PLBD1: variants seen among roughly 807,000 people sequenced by gnomAD.
PLBD1 encodes phospholipase B domain containing 1.
In PLBD1, 60 loss-of-function variants were observed where a neutral mutation model predicts 63.0. The observed-to-expected ratio is 0.95, with a 90% CI of 0.77 to 1.18. The LOEUF (loss-of-function observed/expected upper bound fraction) is 1.18. Ranked by LOEUF, PLBD1 falls within the 50% of genes most tolerant of loss-of-function variation. The pLI is 0.00. For missense variants in PLBD1, 598 were observed against 677.9 expected (o/e 0.88, Z 1.31); for synonymous variants, 262 against 248.0 (o/e 1.06, Z -0.53).
chr12:14,567,567 G>C lies in PLBD1; in HGVS notation c.115+15C>G, dbSNP rs1565583582. On this transcript the variant is annotated intron_variant, in intron 1 of 10. Coordinates refer to ENST00000240617, the MANE Select transcript of PLBD1 (RefSeq NM_024829.6). ...CCTCCCCGGGCGCCCCCCGCCCAGG[G>C]CGCGCTCTGCTCACCTGCAGGTTTC... The C allele has an allele frequency of 6.7e-7, 1 of 1,491,590 alleles. No individual in the cohort carries two copies. Among genetic ancestry groups the C allele is most frequent in the East Asian group, 2.8e-5 (1 of 35,168 alleles). 92.4% of individuals were successfully genotyped at this position (1,491,590 alleles called of 1,614,324 possible). A position where few individuals can be genotyped will look rare whatever the true frequency, so the allele number is the denominator to read the frequency against.
intron 4 of PLBD1, among the ~76,000 whole-genome samples, chr12:14,540,106 T>TTTTTATA: frequency 1.6e-5 from 1 of 64,036 alleles, no homozygotes; most frequent in East Asian, 7.5e-4. Flanking sequence ...AATATAAATA[T>TTTTTATA]TATTTATATA....
chr12:14,532,238 C>T (rs1031141077), intron 6 of PLBD1, among the ~76,000 whole-genome samples: 1 of 152,122 alleles, frequency 6.6e-6, no homozygotes, highest in African/African-American at 2.4e-5. Context: ...CCAACTGCAG[C>T]AAAAGATTTG....
rs748714291 is a variant in PLBD1, at chr12:14,540,864, T to G, written c.458A>C (p.Tyr153Ser). The G allele has an allele frequency of 4.6e-5, 74 of 1,605,602 alleles. No homozygotes were observed. In the Middle Eastern group the frequency reaches 5.0e-4, roughly 11 times the overall value. ...DKWTRKNIKE[Y>S]KTDSFWRHTG... The stretch of plus-strand genomic sequence containing the variant: ...ATGTCTCCAAAATGAATCAGTCTTG[T>G]ATTCTTTGATATTTTTCCGGGTCCA... The change falls in exon 4 of 11, where the codon TAC becomes TCC. Residue 153 changes from tyrosine to serine, a missense_variant. Coordinates refer to ENST00000240617, the MANE Select transcript of PLBD1 (RefSeq NM_024829.6).
At position 14,503,679 on chromosome 12, in the gene PLBD1, A is replaced by ATAT; in HGVS notation, c.*90_*92dup. 1.6e-6 allele frequency: 2 copies of ATAT among 1,230,884 alleles called. No individual in the cohort carries two copies. The highest frequency in any genetic ancestry group is 4.7e-5 in the East Asian group (2 of 42,324). 76.2% of individuals were successfully genotyped at this position (1,230,884 alleles called of 1,614,324 possible). ...TGGGAAATGAAAGTGACAAATTAAT[A>ATAT]TATTTTATTGCATAATTCTGATGGG... On this transcript the variant is annotated 3_prime_UTR_variant, in exon 11 of 11. Transcript: ENST00000240617.
chr12:14,513,436 G>A (rs1028244784), intron 6 of PLBD1, among the ~76,000 whole-genome samples: 3 of 152,124 alleles, frequency 2.0e-5, no homozygotes, highest in African/African-American at 7.2e-5. Flanking sequence ...TGCAAAAAAT[G>A]TTTGTCCACA....
Position 14,506,978 on chromosome 12 carries a change from T to G in PLBD1, c.1327A>C (p.Lys443Gln), listed in dbSNP as rs774741858. The change falls in exon 9 of 11, where the codon AAA (lysine) becomes CAA (glutamine). Residue 443 changes from lysine to glutamine, a missense_variant. Coordinates refer to ENST00000240617, the MANE Select transcript of PLBD1 (RefSeq NM_024829.6). ...TTCATGGATGCCGTATCAGTCACTT[T>G]CCCTTGGTCACGCCGGAAAATTTTG... ...RAKIFRRDQG[K>Q]VTDTASMKYI... 1.5e-5 allele frequency: 25 copies of G among 1,614,048 alleles called. No individual in the cohort carries two copies. The highest frequency in any genetic ancestry group is 1.6e-4 in the Middle Eastern group (1 of 6,084).
intron 6 of PLBD1, among the ~76,000 whole-genome samples, chr12:14,517,130 A>G (rs1162437772): frequency 1.3e-5 from 2 of 152,074 alleles, no homozygotes; most frequent in African/African-American, 4.8e-5. Flanking sequence ...CTTTGAGTTC[A>G]CTGCTCTTTT....
chr12:14,521,105 T>C (rs1397452406), intron 6 of PLBD1, among the ~76,000 whole-genome samples: 1 of 152,150 alleles, frequency 6.6e-6, no homozygotes, highest in Non-Finnish European at 1.5e-5. Flanking sequence ...CACTCACCAG[T>C]TGAGCAGCTA....
chr12:14,508,457 GA>G (rs1321541859), intron 8 of PLBD1, among the ~76,000 whole-genome samples: 1 of 152,162 alleles, frequency 6.6e-6, no homozygotes, highest in Non-Finnish European at 1.5e-5. Flanking sequence ...CACATTTCAT[GA>G]AGCTTCGTGA....
chr12:14,511,353 G>A lies in PLBD1; in HGVS notation c.1093C>T (p.Leu365=). 1 of 1,613,644 alleles carries A rather than the reference G, an allele frequency of 6.2e-7. No homozygotes were observed. Among genetic ancestry groups the A allele is most frequent in the Non-Finnish European group, 8.5e-7 (1 of 1,179,676 alleles). The change falls in exon 8 of 11, where the codon CTG becomes TTG. Residue 365 remains leucine, a synonymous_variant. Coordinates refer to ENST00000240617, the MANE Select transcript of PLBD1 (RefSeq NM_024829.6). ...GTGCCTTTGTCAAGACTGTGGTTCA[G>A]CTTTACTTTCTTCAGGTCCAGAACC... The part of the protein sequence containing the change: ...YMVLDLKKVK[L]NHSLDKGTLY...
intron 9 of PLBD1, among the ~76,000 whole-genome samples, 183 bp downstream of exon 9, chr12:14,506,750 T>C (rs1233554831): frequency 6.6e-6 from 1 of 152,184 alleles, no homozygotes; most frequent in Non-Finnish European, 1.5e-5. Context: ...GACTCTTCTC[T>C]TTCATTTTAT....
intron 1 of PLBD1, chr12:14,553,704 G>GGCT: frequency 2.1e-6 from 1 of 468,644 alleles, no homozygotes; most frequent in South Asian, 2.2e-5. Context: ...ATCTGGGCAG[G>GGCT]GCTGGAGCTG....
chr12:14,505,106 C>CTTTTTTTTTTTT (rs57466061), intron 10 of PLBD1, among the ~76,000 whole-genome samples: 1 of 140,542 alleles, frequency 7.1e-6, no homozygotes, highest in African/African-American at 2.7e-5. Context: ...CTACGTCTAC[C>CTTTTTTTTTTTT]TTTTTTTTTT....
chr12:14,540,746 G>T lies in PLBD1; in HGVS notation c.558+18C>A. On this transcript the variant is annotated intron_variant, in intron 4 of 10. Transcript: ENST00000240617. ...TACCATACTCTATAAATTCTGAGAA[G>T]CTTGTTTAAAGTCCTACCTTTGTCC... is the stretch of plus-strand genomic sequence containing the variant. 1 of 1,544,182 alleles carries T rather than the reference G, an allele frequency of 6.5e-7. No homozygotes were observed. The highest frequency in any genetic ancestry group is 1.2e-5 in the South Asian group (1 of 80,924).
At chr12:14,517,896 G>A (rs951264468) in intron 6 of PLBD1, among the ~76,000 whole-genome samples, 1 of 152,182 alleles carries the variant, frequency 6.6e-6, no homozygotes, top group African/African-American at 2.4e-5. Context: ...AAAACAAAAT[G>A]TTGGCCTGGC....
chr12:14,561,242 G>A (rs112109267), intron 1 of PLBD1, among the ~76,000 whole-genome samples: 8 of 151,328 alleles, frequency 5.3e-5, no homozygotes, highest in East Asian at 3.9e-4. Context: ...GAAAAATGCC[G>A]GAGATTTGCT....
rs924183188 is a variant in PLBD1, at chr12:14,525,970, A to G, written c.844+9689T>C. Among the ~76,000 whole-genome samples, 98 of 147,724 alleles carry G rather than the reference A, an allele frequency of 6.6e-4. 1 individual carries two copies. Among genetic ancestry groups the G allele is most frequent in the African/African-American group, 2.4e-3 (95 of 40,128 alleles). ...CATATCACAAGCCCCAGGGACAACA[A>G]TTTTAAAAATGCAAATAAATATAGC... On this transcript the variant is annotated intron_variant, in intron 6 of 10. Coordinates refer to ENST00000240617, the MANE Select transcript of PLBD1 (RefSeq NM_024829.6).
chr12:14,512,083 G>C (rs1337331559), intron 6 of PLBD1, among the ~76,000 whole-genome samples: 1 of 151,994 alleles, frequency 6.6e-6, no homozygotes, highest in Non-Finnish European at 1.5e-5. Flanking sequence ...GGGTTCATTA[G>C]TAAGAATATA....
intron 2 of PLBD1, among the ~76,000 whole-genome samples, chr12:14,550,810 G>A (rs939110169): frequency 8.6e-5 from 13 of 151,568 alleles, no homozygotes; most frequent in East Asian, 3.9e-4. Flanking sequence ...CCCGGGAGGC[G>A]GAGGTTGCAG....
Sources: allele counts gnomAD v4.1 joint callset (sites outside exome capture counted in the v4.1 genomes callset), GRCh38; gene constraint gnomAD v4.1.1; transcripts MANE v1.5; gene names NCBI Gene and HGNC (gene_info 2026-07-23, HGNC 2026-07-21).